The following SGCZ variants were observed in gnomAD, a reference collection of about 807,000 sequenced individuals.
The protein encoded by SGCZ is sarcoglycan zeta.
Under a neutral mutation model 41.3 loss-of-function variants are expected in SGCZ, and 40 were observed. The observed-to-expected ratio is 0.97, with a 90% CI of 0.75 to 1.26. SGCZ has a LOEUF of 1.26. Ranked by LOEUF, SGCZ falls within the 50% of genes most tolerant of loss-of-function variation. The probability of loss-of-function intolerance (pLI) is 0.00; values close to 1 mark genes in which losing one functional copy is unlikely to be tolerated. For synonymous variants in SGCZ, 206 were observed against 137.5 expected (o/e 1.50, Z -3.49); for missense variants, 552 against 369.8 (o/e 1.49, Z -4.04).
intron 4 of SGCZ, among the ~76,000 whole-genome samples, chr8:14,194,064 C>A (rs2117053334): frequency 6.6e-6 from 1 of 151,588 alleles, no homozygotes; most frequent in African/African-American, 2.4e-5. Flanking sequence ...ACATATATTT[C>A]TCATGGAAAT....
chr8:15,040,867 T>G (rs1196303967), intron 1 of SGCZ, among the ~76,000 whole-genome samples: 1 of 152,142 alleles, frequency 6.6e-6, no homozygotes, highest in Non-Finnish European at 1.5e-5. Flanking sequence ...GATAAAACTG[T>G]GGACTGATAA....
intron 3 of SGCZ, among the ~76,000 whole-genome samples, chr8:14,297,936 C>A (rs930574717): frequency 4.6e-5 from 7 of 151,030 alleles, no homozygotes; most frequent in African/African-American, 1.2e-4. Context: ...AAAAGTCTTA[C>A]AATAAAATGA....
rs181040737 is a variant in SGCZ, at chr8:14,848,916, A to G, written c.40-293990T>C. On this transcript the variant is annotated intron_variant, in intron 1 of 7. Coordinates refer to ENST00000382080, the MANE Select transcript of SGCZ (RefSeq NM_139167.4). ...AAAATGCAAAGACAAGCTACAAGCT[A>G]TAAGGATGAAATCTGTGTAAAGGAT... Among the ~76,000 whole-genome samples, 6 of 152,312 alleles carry G rather than the reference A, an allele frequency of 3.9e-5. No individual in the cohort carries two copies. In the East Asian group the frequency reaches 1.2e-3, roughly 29 times the overall value.
chr8:15,168,021 C>T (rs963883671), intron 1 of SGCZ, among the ~76,000 whole-genome samples: 1 of 152,220 alleles, frequency 6.6e-6, no homozygotes, highest in Non-Finnish European at 1.5e-5. Context: ...CAAATCTTTG[C>T]AGCATAACTA....
intron 1 of SGCZ, among the ~76,000 whole-genome samples, chr8:14,750,169 C>G (rs1799454536): frequency 6.6e-6 from 1 of 151,926 alleles, no homozygotes; most frequent in South Asian, 2.1e-4. Context: ...AGAACATATC[C>G]CATCTGTGGG....
intron 2 of SGCZ, among the ~76,000 whole-genome samples, chr8:14,447,371 C>T (rs1173153888): frequency 6.6e-6 from 1 of 151,984 alleles, no homozygotes; most frequent in Non-Finnish European, 1.5e-5. Context: ...TAATATGTTA[C>T]TTGGGTAAAA....
chr8:14,484,406 A>G (rs186834785), intron 2 of SGCZ, among the ~76,000 whole-genome samples: 218 of 152,298 alleles, frequency 1.4e-3, no homozygotes, highest in African/African-American at 5.1e-3. Context: ...TTTTAAATAT[A>G]GAATTATGTT....
intron 1 of SGCZ, among the ~76,000 whole-genome samples, chr8:14,860,713 A>AGAAAGAAAGAAAGAAAGAAG (rs1803713185): frequency 1.8e-5 from 1 of 55,174 alleles, no homozygotes; most frequent in African/African-American, 5.2e-5. Flanking sequence ...AGAAAGAGAA[A>AGAAAGAAAGAAAGAAAGAAG]GAAAGAAAGA....
At chr8:15,007,080 G>A (rs1802630920) in intron 1 of SGCZ, among the ~76,000 whole-genome samples, 1 of 152,136 alleles carries the variant, frequency 6.6e-6, no homozygotes, top group Non-Finnish European at 1.5e-5. Context: ...CACAAAAATT[G>A]AAGGACTGAG....
intron 2 of SGCZ, among the ~76,000 whole-genome samples, chr8:14,373,152 G>C (rs1417001802): frequency 6.6e-6 from 1 of 152,146 alleles, no homozygotes; most frequent in African/African-American, 2.4e-5. Context: ...ATATTCTAGA[G>C]GTTAGTACTT....
rs1268472648 is a variant in SGCZ, at chr8:14,674,939, T to C, written c.40-120013A>G. Among the ~76,000 whole-genome samples, 3 of 109,688 alleles carry C rather than the reference T, an allele frequency of 2.7e-5. 1 individual carries two copies. Among genetic ancestry groups the C allele is most frequent in the African/African-American group, 9.3e-5 (2 of 21,454 alleles). 72.0% of individuals were successfully genotyped at this position (109,688 alleles called of 152,430 possible). ...CTCTTTTCTTTTCTGTTTTTTTTTT[T>C]TTTTTTTTTTTTTTTTTGAGATGGA... On this transcript the variant is annotated intron_variant, in intron 1 of 7. Transcript: ENST00000382080.
chr8:14,709,660 A>G (rs894837886), intron 1 of SGCZ, among the ~76,000 whole-genome samples: 2 of 152,190 alleles, frequency 1.3e-5, no homozygotes, highest in African/African-American at 4.8e-5. Context: ...AATTTCATTA[A>G]TCGAGGCCCA....
intron 1 of SGCZ, among the ~76,000 whole-genome samples, chr8:15,081,283 G>A (rs569118379): frequency 6.6e-6 from 1 of 152,250 alleles, no homozygotes; most frequent in South Asian, 2.1e-4. Context: ...ATTTTCAAAT[G>A]ACAAAAGGAG....
intron 4 of SGCZ, among the ~76,000 whole-genome samples, chr8:14,165,669 G>A (rs772654553): frequency 6.6e-5 from 10 of 152,040 alleles, no homozygotes; most frequent in Admixed American, 5.9e-4. Context: ...TTATCAGATA[G>A]AACCCAGCTG....
chr8:14,279,540 C>A (rs1164610695), intron 3 of SGCZ, among the ~76,000 whole-genome samples: 1 of 151,728 alleles, frequency 6.6e-6, no homozygotes, highest in Non-Finnish European at 1.5e-5. Context: ...TATCTCTTCA[C>A]AACAAAAATA....
chr8:14,270,859 T>C (rs558901218), intron 3 of SGCZ, among the ~76,000 whole-genome samples: 77 of 152,300 alleles, frequency 5.1e-4, no homozygotes, highest in African/African-American at 1.8e-3. Flanking sequence ...CATGGAATAC[T>C]ATGCAGCCAT....
At chr8:14,500,047 C>T (rs1420305055) in intron 2 of SGCZ, among the ~76,000 whole-genome samples, 2 of 151,998 alleles carry the variant, frequency 1.3e-5, no homozygotes, top group African/African-American at 2.4e-5. Context: ...TAGTTTAAAA[C>T]CTTTAGAGCA....
chr8:14,283,278 C>T (rs1800513196), intron 3 of SGCZ, among the ~76,000 whole-genome samples: 1 of 152,138 alleles, frequency 6.6e-6, no homozygotes, highest in African/African-American at 2.4e-5. Flanking sequence ...GAAACGATTC[C>T]CATTCTGCTC....
chr8:15,069,679 C>G (rs1004234718), intron 1 of SGCZ, among the ~76,000 whole-genome samples: 6 of 152,208 alleles, frequency 3.9e-5, no homozygotes, highest in African/African-American at 1.4e-4. Context: ...TCCAAACTTA[C>G]AGTCTTCTCC....
Sources: allele counts gnomAD v4.1 joint callset (sites outside exome capture counted in the v4.1 genomes callset), GRCh38; gene constraint gnomAD v4.1.1; transcripts MANE v1.5; gene names NCBI Gene and HGNC (gene_info 2026-07-23, HGNC 2026-07-21).